Variants in CRMP1 observed in about 807,000 individuals in gnomAD.
CRMP1 encodes collapsin response mediator protein 1.
A neutral mutation model predicts 68.3 loss-of-function variants in CRMP1; 19 were observed. The observed-to-expected ratio is 0.28, with a 90% CI of 0.19 to 0.41. The LOEUF (loss-of-function observed/expected upper bound fraction) is 0.41, where lower values mean the gene tolerates loss of function less well. CRMP1 is among the 10% of genes least tolerant of loss of function. The pLI is 1.00. For missense variants in CRMP1, 791 were observed against 967.4 expected (o/e 0.82, Z 2.42); for synonymous variants, 439 against 399.6 (o/e 1.10, Z -1.18).
At chr4:5,882,411 G>A (rs1015331729) in intron 1 of CRMP1, among the ~76,000 whole-genome samples, 6 of 152,162 alleles carry the variant, frequency 3.9e-5, no homozygotes, top group African/African-American at 9.7e-5. Flanking sequence ...AAAAATAAGT[G>A]TATATTGTTG....
In CRMP1 at chr4:5,825,916, A is replaced by AGT. The variant is rs879321806; in HGVS notation, c.1804-258_1804-257insAC. The stretch of plus-strand genomic sequence containing the variant: ...ACACATACAGACGCACACACCACGC[A>AGT]CACGCACTCACATACATGCAGTCAT... On this transcript the variant is annotated intron_variant, in intron 12 of 13. Transcript: ENST00000324989. The surrounding 1 kb of genome is among the most constrained non-coding windows in gnomAD (Gnocchi z 4.4). The AGT allele has an allele frequency of 0.036, 18,482 of 509,716 alleles. 429 individuals carry two copies. The highest frequency in any genetic ancestry group is 0.056 in the African/African-American group (2,787 of 49,700). The allele number at this position is 509,716 out of a possible 1,614,324, so 31.6% of individuals were successfully genotyped here.
At chr4:5,882,928 G>A (rs548885282) in intron 1 of CRMP1, among the ~76,000 whole-genome samples, 6 of 152,294 alleles carry the variant, frequency 3.9e-5, no homozygotes, top group African/African-American at 1.4e-4. Flanking sequence ...GACACACTTA[G>A]AACCCACGTG....
chr4:5,854,809 G>A lies in CRMP1; in HGVS notation c.820+1334C>T, dbSNP rs138828212. 2.0e-5 allele frequency among the ~76,000 whole-genome samples: 3 copies of A among 152,282 alleles called. No individual in the cohort carries two copies. The highest frequency in any genetic ancestry group is 2.9e-5 in the Non-Finnish European group (2 of 68,024). On this transcript the variant is annotated intron_variant, in intron 4 of 13. Transcript: ENST00000324989. The surrounding 1 kb of genome is among the most constrained non-coding windows in gnomAD (Gnocchi z 4.0). ...AGGATTTGCAGGGGTACAAGGGGAT[G>A]CATCTTTCAGGAAACCAATTTGGCA... is the stretch of plus-strand genomic sequence containing the variant.
intron 11 of CRMP1, among the ~76,000 whole-genome samples, chr4:5,829,891 G>C (rs1480986631): frequency 6.6e-6 from 1 of 152,238 alleles, no homozygotes; most frequent in Non-Finnish European, 1.5e-5. Flanking sequence ...TAGATGTGGA[G>C]TTGGGGGCCA....
At chr4:5,857,972 A>T (rs2152466796) in intron 3 of CRMP1, among the ~76,000 whole-genome samples, 1 of 152,208 alleles carries the variant, frequency 6.6e-6, no homozygotes, top group East Asian at 1.9e-4. Context: ...CAAAAAGAGA[A>T]GTCTCACCTC....
intron 1 of CRMP1, among the ~76,000 whole-genome samples, chr4:5,886,152 T>C (rs1715570070): frequency 6.6e-6 from 1 of 152,180 alleles, no homozygotes; most frequent in African/African-American, 2.4e-5. Flanking sequence ...TGAACACAAA[T>C]GATCCTCATC....
chr4:5,833,963 G>A (rs189791014), intron 11 of CRMP1, among the ~76,000 whole-genome samples: 293 of 152,266 alleles, frequency 1.9e-3, no homozygotes, highest in African/African-American at 6.6e-3. Context: ...GGAGAATGGC[G>A]TGAACCCGGG....
chr4:5,869,961 G>C (rs1714327716), intron 1 of CRMP1, among the ~76,000 whole-genome samples: 1 of 152,202 alleles, frequency 6.6e-6, no homozygotes, highest in African/African-American at 2.4e-5. Flanking sequence ...CCCTGGACCA[G>C]GTCCCATGGT....
Position 5,892,687 on chromosome 4 carries a change from C to A in CRMP1, c.283G>T (p.Ala95Ser). 1 of 1,218,612 alleles carries A rather than the reference C, an allele frequency of 8.2e-7. No individual in the cohort carries two copies. Among genetic ancestry groups the A allele is most frequent in the South Asian group, 3.4e-5 (1 of 29,300 alleles). The allele number at this position is 1,218,612 out of a possible 1,614,324, so 75.5% of individuals were successfully genotyped here. ...ASDVSEPSGS[A>S]VSSPGERDER... ...TCGCGCTCTCCGGGAGAGCTGACCG[C>A]GGAGCCCGAGGGCTCGCTCACGTCG... The change falls in exon 1 of 14, where the codon GCG becomes TCG. Residue 95 changes from alanine to serine, a missense_variant. By Grantham distance (99) the Ala-to-Ser change is moderately conservative. This residue lies in a region of CRMP1 where 193 missense variants were observed against 186.3 expected (regional missense o/e 1.04). Coordinates refer to ENST00000324989, the MANE Select transcript of CRMP1 (RefSeq NM_001014809.3). The surrounding 1 kb of genome is among the most constrained non-coding windows in gnomAD (Gnocchi z 8.6).
rs1246341042 is a variant in CRMP1, at chr4:5,877,410, G to A, written c.382-10654C>T. Among the ~76,000 whole-genome samples, 1 of 152,178 alleles carries A rather than the reference G, an allele frequency of 6.6e-6. No homozygotes were observed. The highest frequency in any genetic ancestry group is 2.4e-5 in the African/African-American group (1 of 41,444). ...ACTTCCATGACTTGGTCCCTACCTTGAATAACCAGAGCCTTCCCCTTGAGC... is the reference window on the plus strand; with the variant it reads ...ACTTCCATGACTTGGTCCCTACCTTAAATAACCAGAGCCTTCCCCTTGAGC... On this transcript the variant is annotated intron_variant, in intron 1 of 13. Coordinates refer to ENST00000324989, the MANE Select transcript of CRMP1 (RefSeq NM_001014809.3). The surrounding 1 kb of genome is among the most constrained non-coding windows in gnomAD (Gnocchi z 4.3).
chr4:5,835,100 C>A (rs1257176680), intron 11 of CRMP1, among the ~76,000 whole-genome samples: 1 of 152,178 alleles, frequency 6.6e-6, no homozygotes, highest in Non-Finnish European at 1.5e-5. Context: ...GCCCATACTC[C>A]TTCTGCAGTA....
At chr4:5,824,483 CCTCT>C (rs148717534) in intron 13 of CRMP1, 19,891 of 931,280 alleles carry the variant, frequency 0.021, 210 homozygotes, top group Non-Finnish European at 0.023. Flanking sequence ...CACACGTCAT[CCTCT>C]CTCTCTCTCT....
chr4:5,871,548 T>C (rs1318008408), intron 1 of CRMP1, among the ~76,000 whole-genome samples: 1 of 152,032 alleles, frequency 6.6e-6, no homozygotes. Context: ...TGGTCCCAGC[T>C]ACTCAGGAGG....
chr4:5,843,375 A>C lies in CRMP1; in HGVS notation c.964-214T>G, dbSNP rs1166523930. On this transcript the variant is annotated intron_variant, in intron 6 of 13. Coordinates refer to ENST00000324989, the MANE Select transcript of CRMP1 (RefSeq NM_001014809.3). The surrounding 1 kb of genome is among the most constrained non-coding windows in gnomAD (Gnocchi z 4.1). Reference sequence around the variant, plus strand: ...CCCCTTTGTAGCCCTGCATGGCTCCATCTGCACCTGCTTTATATTGAATCT... The same window carrying C: ...CCCCTTTGTAGCCCTGCATGGCTCCCTCTGCACCTGCTTTATATTGAATCT... 2.0e-5 allele frequency among the ~76,000 whole-genome samples: 3 copies of C among 152,080 alleles called. No homozygotes were observed. The highest frequency in any genetic ancestry group is 2.9e-5 in the Non-Finnish European group (2 of 68,016).
At position 5,850,771 on chromosome 4, in the gene CRMP1, A is replaced by T. The variant is rs565555646; in HGVS notation, c.882+637T>A. ...CACACTAACAAGCAGAGCAAGGGAA[A>T]CTGACAATGAAACAAAACTAGGAGA... On this transcript the variant is annotated intron_variant, in intron 5 of 13. Transcript: ENST00000324989. This position sits in a 1 kb window ranked among gnomAD's most constrained non-coding sequence, Gnocchi z 4.4. 3.3e-5 allele frequency among the ~76,000 whole-genome samples: 5 copies of T among 152,208 alleles called. No homozygotes were observed. Among genetic ancestry groups the T allele is most frequent in the Admixed American group, 2.0e-4 (3 of 15,284 alleles).
chr4:5,874,756 G>A (rs1714692633), intron 1 of CRMP1, among the ~76,000 whole-genome samples: 1 of 151,998 alleles, frequency 6.6e-6, no homozygotes, highest in South Asian at 2.1e-4. Context: ...ATGGAAGGAG[G>A]AGGAAAGAAA....
rs1720907649 is a variant in CRMP1, at chr4:5,838,958, T to C, written c.1310+564A>G. ...ACTTAGCCTCGCTGTGTGGCCCTGC[T>C]ATTGCTAAGTGCTCTTCCCTCCTGG... On this transcript the variant is annotated intron_variant, in intron 9 of 13. Transcript: ENST00000324989. This position sits in a 1 kb window ranked among gnomAD's most constrained non-coding sequence, Gnocchi z 4.9. 1.3e-5 allele frequency among the ~76,000 whole-genome samples: 2 copies of C among 152,278 alleles called. No homozygotes were observed.
At chr4:5,835,445 C>T (rs1216812017) in intron 11 of CRMP1, among the ~76,000 whole-genome samples, 1 of 152,192 alleles carries the variant, frequency 6.6e-6, no homozygotes, top group Non-Finnish European at 1.5e-5. Flanking sequence ...TAACTATGGG[C>T]ATGGAATGTG....
rs1436429314 is a variant in CRMP1, at chr4:5,850,460, T to G, written c.882+948A>C. Among the ~76,000 whole-genome samples, 1 of 152,176 alleles carries G rather than the reference T, an allele frequency of 6.6e-6. No homozygotes were observed. The highest frequency in any genetic ancestry group is 1.5e-5 in the Non-Finnish European group (1 of 68,026). Reference sequence around the variant, plus strand: ...GGCCTCCAGGACATCTTGGGATAAGTTATTTTCTGTAACCCCAAGTGTTTA... The same window carrying G: ...GGCCTCCAGGACATCTTGGGATAAGGTATTTTCTGTAACCCCAAGTGTTTA... On this transcript the variant is annotated intron_variant, in intron 5 of 13. Coordinates refer to ENST00000324989, the MANE Select transcript of CRMP1 (RefSeq NM_001014809.3). This position sits in a 1 kb window ranked among gnomAD's most constrained non-coding sequence, Gnocchi z 4.4.
Sources: allele counts gnomAD v4.1 joint callset (sites outside exome capture counted in the v4.1 genomes callset), GRCh38; gene constraint gnomAD v4.1.1; regional missense constraint gnomAD v4.1.1; non-coding constraint Gnocchi (gnomAD v3.1); transcripts MANE v1.5; gene names NCBI Gene and HGNC (gene_info 2026-07-23, HGNC 2026-07-21).